The following SOX7 variants were observed in gnomAD, a reference collection of about 807,000 sequenced individuals.
SOX7 encodes SRY-box transcription factor 7.
Under a neutral mutation model 24.9 loss-of-function variants are expected in SOX7, and 19 were observed. The ratio of observed to expected loss-of-function variants is 0.76; its 90% CI spans 0.53 to 1.12. The LOEUF (loss-of-function observed/expected upper bound fraction) is 1.12. SOX7 is among the 50% of genes most tolerant of loss of function. The probability of loss-of-function intolerance (pLI) is 0.00; values close to 1 mark genes in which losing one functional copy is unlikely to be tolerated. For synonymous variants in SOX7, 327 were observed against 244.5 expected (o/e 1.34, Z -3.15); for missense variants, 702 against 535.0 (o/e 1.31, Z -3.08).
chr8:10,725,360 G>A lies in SOX7; in HGVS notation c.*378C>T, dbSNP rs959785388. 3 of 238,702 alleles carry A rather than the reference G, an allele frequency of 1.3e-5. No homozygotes were observed. Among genetic ancestry groups the A allele is most frequent in the African/African-American group, 2.3e-5 (1 of 43,758 alleles). 14.8% of individuals were successfully genotyped at this position (238,702 alleles called of 1,614,324 possible). On this transcript the variant is annotated 3_prime_UTR_variant, in exon 2 of 2. Transcript: ENST00000304501. Reference sequence around the variant, plus strand: ...CCATCTTCCTTTATTAATCTTGAGAGAACCCTAAATCAGAAAACTGGACCA... The same window carrying A: ...CCATCTTCCTTTATTAATCTTGAGAAAACCCTAAATCAGAAAACTGGACCA...
rs1800091681 is a variant in SOX7, at chr8:10,723,873, T to C, written c.*1865A>G. On this transcript the variant is annotated 3_prime_UTR_variant, in exon 2 of 2. Transcript: ENST00000304501. ...TTTCAAAAAAACGAAACAGTTTAGC[T>C]TAATGTCTGTGATACTGTTTTATGA... 1 of 152,684 alleles carries C rather than the reference T, an allele frequency of 6.5e-6. No homozygotes were observed. Among genetic ancestry groups the C allele is most frequent in the African/African-American group, 2.4e-5 (1 of 41,476 alleles). The allele number at this position is 152,684 out of a possible 1,614,324, so 9.5% of individuals were successfully genotyped here. A position where few individuals can be genotyped will look rare whatever the true frequency, so the allele number is the denominator to read the frequency against.
chr8:10,726,468 G>A lies in SOX7; in HGVS notation c.437C>T (p.Pro146Leu), dbSNP rs779717603. 5 of 1,612,132 alleles carry A rather than the reference G, an allele frequency of 3.1e-6. No individual in the cohort carries two copies. The highest frequency in any genetic ancestry group is 2.7e-5 in the African/African-American group (2 of 74,902). ...CCCCCGGCTGCCGCTTCTCTTCTCC[G>A]GCAGGGCGTTCTGGTCCCGGGAGAG... ...SSLSRDQNAL[P>L]EKRSGSRGAL... The change falls in exon 2 of 2, where the codon CCG becomes CTG. Residue 146 changes from proline to leucine, a missense_variant. By Grantham distance (98) the Pro-to-Leu change is moderately conservative. Transcript: ENST00000304501.
chr8:10,730,150 C>T lies in SOX7; in HGVS notation c.238+46G>A, dbSNP rs1054481291. On this transcript the variant is annotated intron_variant, in intron 1 of 1. Transcript: ENST00000304501. This position sits in a 1 kb window ranked among gnomAD's most constrained non-coding sequence, Gnocchi z 4.8. ...GCCCTGCAGTGCCGCCAGCCGCCCGCCGCCCGCCCCCGGCCCCCAGCCCGC... is the reference window on the plus strand; with the variant it reads ...GCCCTGCAGTGCCGCCAGCCGCCCGTCGCCCGCCCCCGGCCCCCAGCCCGC... 1 of 1,312,730 alleles carries T rather than the reference C, an allele frequency of 7.6e-7. No homozygotes were observed. Among genetic ancestry groups the T allele is most frequent in the Non-Finnish European group, 9.9e-7 (1 of 1,013,136 alleles). 81.3% of individuals were successfully genotyped at this position (1,312,730 alleles called of 1,614,324 possible). A position where few individuals can be genotyped will look rare whatever the true frequency, so the allele number is the denominator to read the frequency against.
Position 10,726,277 on chromosome 8 carries a change from G to A in SOX7, c.628C>T (p.Leu210=). 6.2e-7 allele frequency: 1 copy of A among 1,613,906 alleles called. No homozygotes were observed. The highest frequency in any genetic ancestry group is 8.5e-7 in the Non-Finnish European group (1 of 1,179,988). The change falls in exon 2 of 2, where the codon CTG becomes TTG. Residue 210 remains leucine, a synonymous_variant. Transcript: ENST00000304501. ...GTCTGCTCCGGCTCCAGCACGTCCA[G>A]GGGAGACATTTCAGGAGGTGTGGGC... ...GLPTPPEMSP[L]DVLEPEQTFF... is the part of the protein sequence containing the mutation.
Position 10,730,163 on chromosome 8 carries a change from G to A in SOX7, c.238+33C>T. 2 of 1,415,088 alleles carry A rather than the reference G, an allele frequency of 1.4e-6. No individual in the cohort carries two copies. The highest frequency in any genetic ancestry group is 1.9e-6 in the Non-Finnish European group (2 of 1,080,286). 87.7% of individuals were successfully genotyped at this position (1,415,088 alleles called of 1,614,324 possible). A position where few individuals can be genotyped will look rare whatever the true frequency, so the allele number is the denominator to read the frequency against. ...GCCAGCCGCCCGCCGCCCGCCCCCG[G>A]CCCCCAGCCCGCTCGGCCGCGCGCT... On this transcript the variant is annotated intron_variant, in intron 1 of 1. Coordinates refer to ENST00000304501, the MANE Select transcript of SOX7 (RefSeq NM_031439.4). The surrounding 1 kb of genome is among the most constrained non-coding windows in gnomAD (Gnocchi z 4.8).
intron 1 of SOX7, among the ~76,000 whole-genome samples, chr8:10,727,107 T>A (rs1195072475): frequency 6.6e-6 from 1 of 152,226 alleles, no homozygotes; most frequent in Non-Finnish European, 1.5e-5. Context: ...CATTGATTAG[T>A]GCAGGCTAAA....
chr8:10,730,361 C>T lies in SOX7; in HGVS notation c.73G>A (p.Asp25Asn), dbSNP rs1800237785. 1.3e-6 allele frequency: 2 copies of T among 1,564,054 alleles called. No individual in the cohort carries two copies. Residue 25 changes from aspartate to asparagine, a missense_variant, in exon 1 of 2, where the codon GAT (aspartate) becomes AAT (asparagine). Physicochemically the swap from Asp to Asn is conservative, Grantham distance 23. Coordinates refer to ENST00000304501, the MANE Select transcript of SOX7 (RefSeq NM_031439.4). The surrounding 1 kb of genome is among the most constrained non-coding windows in gnomAD (Gnocchi z 4.8). ...ECPALDAELSDGQSPPAVPRP... is the reference protein window; with the variant it reads ...ECPALDAELSNGQSPPAVPRP... ...GGGACGGCCGGCGGCGATTGTCCAT[C>T]CGACAGCTCGGCGTCCAGGGCCGGG...
Position 10,728,539 on chromosome 8 carries a change from G to A in SOX7, c.238+1657C>T, listed in dbSNP as rs549600179. Among the ~76,000 whole-genome samples the A allele has an allele frequency of 1.0e-3, 159 of 152,338 alleles. 2 individuals are homozygous for A. The highest frequency in any genetic ancestry group is 6.2e-4 in the Non-Finnish European group (42 of 68,038). ...CTCACCCAGTGCCAGGAGCTACATG[G>A]CTCAGCAGGAAGGAATCTGTGTCTT... On this transcript the variant is annotated intron_variant, in intron 1 of 1. Transcript: ENST00000304501.
Position 10,730,495 on chromosome 8 carries a change from G to T in SOX7, c.-62C>A, listed in dbSNP as rs555497960. ...CAGGCGCGGACCTGGCCCTCGCACG[G>T]GTCGGGGCGTCCAACTTGGCCCGCA... On this transcript the variant is annotated 5_prime_UTR_variant, in exon 1 of 2. Coordinates refer to ENST00000304501, the MANE Select transcript of SOX7 (RefSeq NM_031439.4). This position sits in a 1 kb window ranked among gnomAD's most constrained non-coding sequence, Gnocchi z 4.8. 60 of 1,223,674 alleles carry T rather than the reference G, an allele frequency of 4.9e-5. No homozygotes were observed. The Admixed American group carries it at 7.7e-4, about 16-fold the overall frequency. 75.8% of individuals were successfully genotyped at this position (1,223,674 alleles called of 1,614,324 possible). A position where few individuals can be genotyped will look rare whatever the true frequency, so the allele number is the denominator to read the frequency against.
At position 10,726,350 on chromosome 8, in the gene SOX7, A is replaced by G. The variant is rs772182839; in HGVS notation, c.555T>C (p.Gly185=). ...CACTGCTCGGGGTGCCGCCGCCGCC[A>G]CCACCAGCCGGCCCCTCGTGGTAGC... ...RGCYHEGPAG[G]GGGGTPSSVD... Residue 185 remains glycine, a synonymous_variant, in exon 2 of 2, where the codon GGT becomes GGC. Coordinates refer to ENST00000304501, the MANE Select transcript of SOX7 (RefSeq NM_031439.4). The G allele has an allele frequency of 5.3e-5, 85 of 1,612,178 alleles. No homozygotes were observed. Among genetic ancestry groups the G allele is most frequent in the Non-Finnish European group, 7.1e-5 (84 of 1,179,598 alleles).
At chr8:10,728,759 A>G (rs1454310652) in intron 1 of SOX7, among the ~76,000 whole-genome samples, 2 of 152,110 alleles carry the variant, frequency 1.3e-5, no homozygotes, top group Non-Finnish European at 2.9e-5. Context: ...CTCCTCTGTC[A>G]CGGTCACAGC....
chr8:10,728,606 G>T (rs1800200713), intron 1 of SOX7, among the ~76,000 whole-genome samples: 2 of 152,210 alleles, frequency 1.3e-5, no homozygotes, highest in East Asian at 1.9e-4. Context: ...TGAAGTGCAG[G>T]CCCCGATGGG....
chr8:10,725,802 G>C lies in SOX7; in HGVS notation c.1103C>G (p.Thr368Ser), dbSNP rs201358923. 8 of 1,614,108 alleles carry C rather than the reference G, an allele frequency of 5.0e-6. No individual in the cohort carries two copies. In the Admixed American group the frequency reaches 1.3e-4, roughly 27 times the overall value. The change falls in exon 2 of 2, where the codon ACC (threonine) becomes AGC (serine). Residue 368 changes from threonine to serine, a missense_variant. Transcript: ENST00000304501. ...ATCAGCCAGGACGGAGATGAGGCTG[G>C]TCTCTGTGGGACCCGTTGGTGTCAC... Reference protein sequence around the residue: ...SQVTPTGPTETSLISVLADAT... With the variant: ...SQVTPTGPTESSLISVLADAT...
chr8:10,727,818 G>T (rs1800185124), intron 1 of SOX7, among the ~76,000 whole-genome samples: 1 of 152,222 alleles, frequency 6.6e-6, no homozygotes, highest in Non-Finnish European at 1.5e-5. Context: ...TAGCCTAGAG[G>T]TTAAGGCCTA....
In SOX7 at chr8:10,726,240, G is replaced by C. The variant is rs1316817490; in HGVS notation, c.665C>G (p.Ser222Cys). The change falls in exon 2 of 2, where the codon TCC (serine) becomes TGC (cysteine). Residue 222 changes from serine to cysteine, a missense_variant. Transcript: ENST00000304501. ...ATGGCCATGCTCCTCCTGGCAGGGG[G>C]AGGAGAAGAAGGTCTGCTCCGGCTC... Reference protein sequence around the residue: ...VLEPEQTFFSSPCQEEHGHPR... With the variant: ...VLEPEQTFFSCPCQEEHGHPR... 1 of 1,613,636 alleles carries C rather than the reference G, an allele frequency of 6.2e-7. No homozygotes were observed. Among genetic ancestry groups the C allele is most frequent in the Non-Finnish European group, 8.5e-7 (1 of 1,179,964 alleles).
chr8:10,730,436 C>A lies in SOX7; in HGVS notation c.-3G>T. ...TAGGCTCCCAGCAGCGAAGCCATGG[C>A]CGCACGCGGGTCGCCTCGCTTCGCC... On this transcript the variant is annotated 5_prime_UTR_variant, in exon 1 of 2. Transcript: ENST00000304501. The surrounding 1 kb of genome is among the most constrained non-coding windows in gnomAD (Gnocchi z 4.8). The A allele has an allele frequency of 6.8e-7, 1 of 1,467,302 alleles. No individual in the cohort carries two copies. The highest frequency in any genetic ancestry group is 2.9e-5 in the Admixed American group (1 of 34,474). 90.9% of individuals were successfully genotyped at this position (1,467,302 alleles called of 1,614,324 possible). A position where few individuals can be genotyped will look rare whatever the true frequency, so the allele number is the denominator to read the frequency against.
Position 10,724,873 on chromosome 8 carries a change from C to T in SOX7, c.*865G>A, listed in dbSNP as rs896800995. ...AAGTAGCTGGGATTACAGGCATGCA[C>T]CACCACTCCCAGCAAATTTTGTATT... On this transcript the variant is annotated 3_prime_UTR_variant, in exon 2 of 2. Coordinates refer to ENST00000304501, the MANE Select transcript of SOX7 (RefSeq NM_031439.4). The T allele has an allele frequency of 1.3e-5, 2 of 152,148 alleles. No homozygotes were observed. Among genetic ancestry groups the T allele is most frequent in the East Asian group, 3.9e-4 (2 of 5,178 alleles). 9.4% of individuals were successfully genotyped at this position (152,148 alleles called of 1,614,324 possible).
intron 1 of SOX7, among the ~76,000 whole-genome samples, chr8:10,728,365 T>C (rs561616117): frequency 6.6e-6 from 1 of 152,182 alleles, no homozygotes; most frequent in African/African-American, 2.4e-5. Context: ...TGGAAAAAGT[T>C]GAGACTCGCA....
In SOX7 at chr8:10,726,284, C is replaced by G; in HGVS notation, c.621G>C (p.Met207Ile). 2 of 1,613,864 alleles carry G rather than the reference C, an allele frequency of 1.2e-6. No individual in the cohort carries two copies. Among genetic ancestry groups the G allele is most frequent in the Non-Finnish European group, 1.7e-6 (2 of 1,179,962 alleles). Residue 207 changes from methionine (M) to isoleucine (I), a missense_variant, in exon 2 of 2, where the codon ATG (methionine) becomes ATC (isoleucine). Transcript: ENST00000304501. ...YPYGLPTPPE[M>I]SPLDVLEPEQ... Reference sequence around the variant, plus strand: ...CCGGCTCCAGCACGTCCAGGGGAGACATTTCAGGAGGTGTGGGCAGCCCGT... The same window carrying G: ...CCGGCTCCAGCACGTCCAGGGGAGAGATTTCAGGAGGTGTGGGCAGCCCGT...
Sources: allele counts gnomAD v4.1 joint callset (sites outside exome capture counted in the v4.1 genomes callset), GRCh38; gene constraint gnomAD v4.1.1; non-coding constraint Gnocchi (gnomAD v3.1); transcripts MANE v1.5; gene names NCBI Gene and HGNC (gene_info 2026-07-23, HGNC 2026-07-21).